ELOVL6: variants seen among roughly 807,000 people sequenced by gnomAD.
ELOVL6 encodes the protein very long chain fatty acid elongase 6.
In ELOVL6, 8 loss-of-function variants were observed where a neutral mutation model predicts 31.7. That is an observed-to-expected ratio of 0.25 (90% CI 0.15 to 0.45). ELOVL6 has a LOEUF of 0.45. Ranked by LOEUF, ELOVL6 falls within the 20% of genes least tolerant of loss-of-function variation. ELOVL6 has a pLI of 1.00. For synonymous variants in ELOVL6, 101 were observed against 117.7 expected, an observed-to-expected ratio of 0.86 and a Z score of 0.92; for missense variants, 126 against 326.4, an observed-to-expected ratio of 0.39 and a Z score of 4.73.
intron 1 of ELOVL6, among the ~76,000 whole-genome samples, chr4:110,156,890 CCT>C (rs1245572727): frequency 6.6e-6 from 1 of 152,122 alleles, no homozygotes; most frequent in Non-Finnish European, 1.5e-5. Context: ...CAAAATTAGT[CCT>C]CAAAGAAATC....
chr4:110,168,096 C>G (rs1421865843), intron 1 of ELOVL6, among the ~76,000 whole-genome samples: 4 of 151,722 alleles, frequency 2.6e-5, no homozygotes, highest in Non-Finnish European at 4.4e-5. Context: ...TGAACAGAGC[C>G]AAAATTTAAG....
chr4:110,111,429 GT>G (rs5860999), intron 1 of ELOVL6, among the ~76,000 whole-genome samples: 90,846 of 145,396 alleles, frequency 0.62, 28,232 homozygotes, highest in East Asian at 0.79. Context: ...AAACCTTTCA[GT>G]TTTTTTTTTT....
intron 3 of ELOVL6, among the ~76,000 whole-genome samples, chr4:110,056,123 G>GGA (rs140558623): frequency 3.3e-5 from 2 of 60,464 alleles, no homozygotes; most frequent in South Asian, 4.4e-4. Flanking sequence ...TGTGGGAGCT[G>GGA]GGGGGGGGGA....
At chr4:110,158,582 T>G (rs561687208) in intron 1 of ELOVL6, among the ~76,000 whole-genome samples, 11 of 147,042 alleles carry the variant, frequency 7.5e-5, no homozygotes, top group South Asian at 4.3e-4. Flanking sequence ...TCTATATATA[T>G]ATGTATATAT....
intron 1 of ELOVL6, among the ~76,000 whole-genome samples, chr4:110,168,901 C>T (rs192127229): frequency 9.9e-5 from 15 of 152,216 alleles, no homozygotes; most frequent in African/African-American, 2.4e-4. Context: ...TTAGTGGGTA[C>T]GTGGTAAGCT....
chr4:110,164,093 A>G (rs1488415845), intron 1 of ELOVL6, among the ~76,000 whole-genome samples: 2 of 152,222 alleles, frequency 1.3e-5, no homozygotes, highest in African/African-American at 4.8e-5. Flanking sequence ...TGGAGAGCCT[A>G]GAAAGTGCTG....
chr4:110,070,298 AATT>A (rs1458148945), intron 2 of ELOVL6, among the ~76,000 whole-genome samples: 2 of 152,196 alleles, frequency 1.3e-5, no homozygotes, highest in Non-Finnish European at 2.9e-5. Context: ...CAGAGCAGAA[AATT>A]AAAATGATGC....
At chr4:110,116,439 T>C (rs1176194899) in intron 1 of ELOVL6, among the ~76,000 whole-genome samples, 1 of 152,174 alleles carries the variant, frequency 6.6e-6, no homozygotes, top group Non-Finnish European at 1.5e-5. Flanking sequence ...CTTATGGAGA[T>C]TGTCTTTAAG....
chr4:110,108,354 A>G (rs1315745915), intron 1 of ELOVL6, among the ~76,000 whole-genome samples: 2 of 152,228 alleles, frequency 1.3e-5, no homozygotes, highest in Non-Finnish European at 2.9e-5. Flanking sequence ...CTAGCCATAA[A>G]GGGAAAAGTA....
intron 2 of ELOVL6, among the ~76,000 whole-genome samples, chr4:110,065,693 C>G (rs150000343): frequency 1.2e-3 from 184 of 152,268 alleles, no homozygotes; most frequent in African/African-American, 4.0e-3. Context: ...CATTTACCTA[C>G]TTGGAAAAAG....
intron 1 of ELOVL6, among the ~76,000 whole-genome samples, chr4:110,111,290 CA>C (rs1259059879): frequency 6.6e-6 from 1 of 151,722 alleles, no homozygotes; most frequent in Admixed American, 6.6e-5. Flanking sequence ...GAAAAAACTG[CA>C]CATCTAAAAA....
At chr4:110,161,902 T>C (rs1578270263) in intron 1 of ELOVL6, among the ~76,000 whole-genome samples, 1 of 152,160 alleles carries the variant, frequency 6.6e-6, no homozygotes, top group African/African-American at 2.4e-5. Context: ...TATTCACAAG[T>C]TCAGTGTTTG....
In ELOVL6 at chr4:110,048,860, C is replaced by T. The variant is rs2126217597; in HGVS notation, c.*2478G>A. The T allele has an allele frequency of 6.6e-6, 1 of 152,238 alleles. No individual in the cohort carries two copies. Among genetic ancestry groups the T allele is most frequent in the African/African-American group, 2.4e-5 (1 of 41,550 alleles). 9.4% of individuals were successfully genotyped at this position (152,238 alleles called of 1,614,324 possible). A position where few individuals can be genotyped will look rare whatever the true frequency, so the allele number is the denominator to read the frequency against. On this transcript the variant is annotated 3_prime_UTR_variant, in exon 4 of 4. Transcript: ENST00000302274. ...CAAGTAAAGACAAACAAACATGAAC[C>T]TAATACCAAAATGAAAGTGCTTTGG...
At chr4:110,158,074 T>A (rs1433337281) in intron 1 of ELOVL6, among the ~76,000 whole-genome samples, 1 of 152,234 alleles carries the variant, frequency 6.6e-6, no homozygotes, top group Non-Finnish European at 1.5e-5. Flanking sequence ...GTTAGTTAAT[T>A]ATGCTTTAAC....
intron 1 of ELOVL6, among the ~76,000 whole-genome samples, chr4:110,160,823 G>A (rs1758610482): frequency 6.6e-6 from 1 of 152,134 alleles, no homozygotes; most frequent in African/African-American, 2.4e-5. Context: ...TAAAAGGGTT[G>A]GGAAACAGCT....
chr4:110,096,840 A>G (rs900818084), intron 2 of ELOVL6, among the ~76,000 whole-genome samples: 8 of 152,318 alleles, frequency 5.3e-5, no homozygotes, highest in African/African-American at 1.7e-4. Context: ...TGATATTAAT[A>G]TAATAAATAG....
chr4:110,084,579 TATATATA>T lies in ELOVL6; in HGVS notation c.221+20911_221+20917del, dbSNP rs1756177688. On this transcript the variant is annotated intron_variant, in intron 2 of 3. Transcript: ENST00000302274. The stretch of plus-strand genomic sequence containing the variant: ...ACACACACAGATATATATATATATA[TATATATA>T]TATTTTTTTTTTTTTTTTTTTTTTT... Among the ~76,000 whole-genome samples the T allele has an allele frequency of 4.5e-4, 23 of 50,744 alleles. No individual in the cohort carries two copies. The East Asian group carries it at 5.1e-3, about 11-fold the overall frequency. The allele number at this position is 50,744 out of a possible 152,430, so 33.3% of individuals were successfully genotyped here.
rs1409366915 is a variant in ELOVL6, at chr4:110,090,597, T to TTCC, written c.221+14899_221+14900insGGA. Among the ~76,000 whole-genome samples the TTCC allele has an allele frequency of 2.3e-5, 3 of 132,118 alleles. 1 individual carries two copies. Among genetic ancestry groups the TTCC allele is most frequent in the African/African-American group, 9.9e-5 (3 of 30,360 alleles). 86.7% of individuals were successfully genotyped at this position (132,118 alleles called of 152,430 possible). A position where few individuals can be genotyped will look rare whatever the true frequency, so the allele number is the denominator to read the frequency against. ...CCAGGAACTTACAGGAAAGTTTGAC[T>TTCC]TTCTTTTTTTTTTTTTTTTTTTTCA... On this transcript the variant is annotated intron_variant, in intron 2 of 3. Coordinates refer to ENST00000302274, the MANE Select transcript of ELOVL6 (RefSeq NM_024090.3).
chr4:110,198,548 T>A lies in ELOVL6; in HGVS notation c.-213A>T. Reference sequence around the variant, plus strand: ...TGCGCCTCCGCTCCCAGCTCCTCTCTCTGGGGCTCTCCTCCTCCCGGCGTC... The same window carrying A: ...TGCGCCTCCGCTCCCAGCTCCTCTCACTGGGGCTCTCCTCCTCCCGGCGTC... On this transcript the variant is annotated 5_prime_UTR_variant, in exon 1 of 4. An upstream open reading frame in the 5' UTR gains an earlier in-frame stop. Coordinates refer to ENST00000302274, the MANE Select transcript of ELOVL6 (RefSeq NM_024090.3). 2.0e-6 allele frequency: 1 copy of A among 507,786 alleles called. No homozygotes were observed. The highest frequency in any genetic ancestry group is 2.9e-5 in the South Asian group (1 of 34,176). 31.5% of individuals were successfully genotyped at this position (507,786 alleles called of 1,614,324 possible). A position where few individuals can be genotyped will look rare whatever the true frequency, so the allele number is the denominator to read the frequency against.
Sources: allele counts gnomAD v4.1 joint callset (sites outside exome capture counted in the v4.1 genomes callset), GRCh38; gene constraint gnomAD v4.1.1; transcripts MANE v1.5; gene names NCBI Gene and HGNC (gene_info 2026-07-23, HGNC 2026-07-21).